SPTLC1: variants seen among roughly 807,000 people sequenced by gnomAD.
SPTLC1 encodes serine palmitoyltransferase long chain base subunit 1.
In SPTLC1, 55 loss-of-function variants were observed where a neutral mutation model predicts 68.9. The ratio of observed to expected loss-of-function variants is 0.80; its 90% confidence interval spans 0.64 to 1.00. SPTLC1 has a LOEUF of 1.00. SPTLC1 is among the 50% of genes least tolerant of loss of function. The pLI is 0.00. For missense variants in SPTLC1, 449 were observed against 573.1 expected (o/e 0.78, Z 2.21); for synonymous variants, 197 against 201.6 (o/e 0.98, Z 0.19).
rs1331827466 is a variant in SPTLC1 at position 92,085,879 on chromosome 9, G to A, written c.261-4916C>T. On this transcript the variant is annotated intron_variant, in intron 3 of 14. Transcript: ENST00000262554. Reference sequence around the variant, plus strand: ...CCATTATTAATGTGTGGGAGTCTAAGTCTCTTTGTAGGTCACTCAGGACTT... The same window carrying A: ...CCATTATTAATGTGTGGGAGTCTAAATCTCTTTGTAGGTCACTCAGGACTT... 2.0e-5 allele frequency among the ~76,000 whole-genome samples: 3 copies of A among 151,952 alleles called. No homozygotes were observed. The East Asian group carries it at 5.8e-4, about 29-fold the overall frequency.
At chr9:92,049,295 T>C (rs1289258213) in intron 9 of SPTLC1, among the ~76,000 whole-genome samples, 2 of 152,238 alleles carry the variant, frequency 1.3e-5, no homozygotes, top group Non-Finnish European at 2.9e-5. Context: ...TCTGTAACTC[T>C]TCCCATGGTG....
intron 12 of SPTLC1, among the ~76,000 whole-genome samples, chr9:92,041,779 C>T (rs1473821166): frequency 3.3e-5 from 5 of 152,206 alleles, no homozygotes; most frequent in Non-Finnish European, 7.4e-5. Context: ...AATGAAGTAA[C>T]GGTTTTCTCA....
intron 3 of SPTLC1, among the ~76,000 whole-genome samples, chr9:92,095,879 A>G (rs754263094): frequency 5.9e-5 from 9 of 152,352 alleles, no homozygotes; most frequent in African/African-American, 1.4e-4. Context: ...ACCAGCTTCC[A>G]TTAAACACTG....
intron 6 of SPTLC1, among the ~76,000 whole-genome samples, chr9:92,061,170 G>A (rs143410766): frequency 1.2e-4 from 19 of 152,152 alleles, no homozygotes; most frequent in East Asian, 5.8e-4. Context: ...AAATCCATAC[G>A]GACTAATGCA....
At chr9:92,075,795 T>G (rs576750270) in intron 5 of SPTLC1, among the ~76,000 whole-genome samples, 4 of 152,286 alleles carry the variant, frequency 2.6e-5, no homozygotes, top group African/African-American at 9.6e-5. Context: ...ATTGAAAATC[T>G]CATGGGGACC....
In SPTLC1 at chr9:92,075,442, G is replaced by T. The variant is rs541663850; in HGVS notation, c.427+4574C>A. Among the ~76,000 whole-genome samples, 6 of 152,182 alleles carry T rather than the reference G, an allele frequency of 3.9e-5. No homozygotes were observed. In the East Asian group the frequency reaches 1.2e-3, roughly 29 times the overall value. On this transcript the variant is annotated intron_variant, in intron 5 of 14. Coordinates refer to ENST00000262554, the MANE Select transcript of SPTLC1 (RefSeq NM_006415.4). ...TCGCCCCTCCTTTTACTCTAAAAAA[G>T]GCCCTAGAGGCAACCCCTACTCAAG...
At chr9:92,090,725 G>GA (rs928169710) in intron 3 of SPTLC1, among the ~76,000 whole-genome samples, 75 of 147,384 alleles carry the variant, frequency 5.1e-4, no homozygotes, top group Middle Eastern at 3.5e-3. Flanking sequence ...AAAGGCAAGG[G>GA]AAAAAAAAAA....
chr9:92,057,806 C>G (rs140224152), intron 7 of SPTLC1, among the ~76,000 whole-genome samples: 43 of 152,166 alleles, frequency 2.8e-4, no homozygotes, highest in African/African-American at 8.4e-4. Context: ...ACTTAGAAAG[C>G]CTGCTCTCAG....
chr9:92,100,117 A>C (rs187919861), intron 3 of SPTLC1, among the ~76,000 whole-genome samples: 132 of 151,980 alleles, frequency 8.7e-4, no homozygotes, highest in African/African-American at 2.1e-3. Context: ...TTCTTAACAA[A>C]AAAAAAAAAA....
rs772355996 is a variant in SPTLC1 at position 92,046,058 on chromosome 9, A to G, written c.1082-5T>C. 2.0e-5 allele frequency: 32 copies of G among 1,612,024 alleles called. No individual in the cohort carries two copies. The highest frequency in any genetic ancestry group is 2.6e-5 in the Non-Finnish European group (31 of 1,178,704). ...CCTTCAACACTGCAAAAATACCTAG[A>G]TGAAAAAAATACGTTTGAGAGTCTA... is the stretch of plus-strand genomic sequence containing the variant. On this transcript the variant is annotated splice_region_variant and splice_polypyrimidine_tract_variant and intron_variant, in intron 11 of 14. Transcript: ENST00000262554.
rs2118438656 is a variant in SPTLC1 at position 92,045,989 on chromosome 9, TA to T, written c.1136+9del. ...AAACTTTATGTTGGTTGAAAATATA[TA>T]AAACTCACCCTTGTAAAGCTTTATG... On this transcript the variant is annotated intron_variant, in intron 12 of 14. Coordinates refer to ENST00000262554, the MANE Select transcript of SPTLC1 (RefSeq NM_006415.4). 1 of 1,611,488 alleles carries T rather than the reference TA, an allele frequency of 6.2e-7. No homozygotes were observed.
At chr9:92,081,054 T>A in intron 3 of SPTLC1, 91 bp from the exon 4 acceptor site, 1 of 940,256 alleles carries the variant, frequency 1.1e-6, no homozygotes, top group South Asian at 1.3e-5. Context: ...AACATAGTGT[T>A]GTCATCCTAC....
At chr9:92,045,495 TAAA>T (rs376327457) in intron 12 of SPTLC1, among the ~76,000 whole-genome samples, 1 of 13,400 alleles carries the variant, frequency 7.5e-5, no homozygotes, top group Non-Finnish European at 2.4e-4. Context: ...TAAAGTATAA[TAAA>T]AAAAAAAAAA....
At chr9:92,080,196 T>C in intron 4 of SPTLC1, 108 bp from the exon 5 acceptor site, 1 of 828,446 alleles carries the variant, frequency 1.2e-6, no homozygotes, top group Admixed American at 2.0e-5. Context: ...CCTCCAACTC[T>C]AACAGAATAT....
At chr9:92,040,397 AAACAAAAAAAAC>A (rs1037124589) in intron 12 of SPTLC1, among the ~76,000 whole-genome samples, 6 of 152,022 alleles carry the variant, frequency 3.9e-5, no homozygotes, top group African/African-American at 9.7e-5. Flanking sequence ...CAAAAGCAAA[AAACAAAAAAAAC>A]AACAAAAAAA....
At chr9:92,054,226 A>G (rs1420024581) in intron 8 of SPTLC1, among the ~76,000 whole-genome samples, 1 of 152,210 alleles carries the variant, frequency 6.6e-6, no homozygotes, top group African/African-American at 2.4e-5. Context: ...GGTTGCGGTG[A>G]GCCGAGATCG....
At chr9:92,035,624 C>A (rs1394591649) in intron 13 of SPTLC1, among the ~76,000 whole-genome samples, 1 of 151,866 alleles carries the variant, frequency 6.6e-6, no homozygotes. Flanking sequence ...AGCCACTTAA[C>A]GATATACTTC....
chr9:92,084,037 CTGTT>C (rs1294992629), intron 3 of SPTLC1, among the ~76,000 whole-genome samples: 1 of 151,970 alleles, frequency 6.6e-6, no homozygotes, highest in African/African-American at 2.4e-5. Flanking sequence ...ATTTGGCTCT[CTGTT>C]TGTCTGTTAT....
At chr9:92,047,354 A>G (rs1587914878) in intron 10 of SPTLC1, 86 bp from the exon 11 acceptor site, 15 of 1,116,224 alleles carry the variant, frequency 1.3e-5, no homozygotes, top group Non-Finnish European at 2.0e-5. Context: ...TAGAACAACT[A>G]CTGAACAGTG....
Sources: allele counts gnomAD v4.1 joint callset (sites outside exome capture counted in the v4.1 genomes callset), GRCh38; gene constraint gnomAD v4.1.1; transcripts MANE v1.5; gene names NCBI Gene and HGNC (gene_info 2026-07-23, HGNC 2026-07-21).